HAX1: variants seen among roughly 807,000 people sequenced by gnomAD.
HAX1 encodes HCLS1 associated protein X-1, also known as HCLS1-associated protein X-1.
In HAX1, 27 loss-of-function variants were observed where a neutral mutation model predicts 31.1. The observed-to-expected ratio is 0.87, with a 90% CI of 0.64 to 1.20. The LOEUF is 1.20. Ranked by LOEUF, HAX1 falls within the 50% of genes most tolerant of loss-of-function variation. HAX1 has a pLI of 0.00. For synonymous variants in HAX1, 114 were observed against 124.1 expected (o/e 0.92, Z 0.54); for missense variants, 357 against 361.6 (o/e 0.99, Z 0.10).
Position 154,275,250 on chromosome 1 carries a change from A to T in HAX1, c.653A>T (p.Lys218Ile). The part of the protein sequence containing the change: ...FKSISVTKIT[K>I]PDGIVEERRT... ...AGCATCTCTGTGACCAAGATCACTAAACCAGATGGGGTGAGTTGAAAGAAA... is the reference window on the plus strand; with the variant it reads ...AGCATCTCTGTGACCAAGATCACTATACCAGATGGGGTGAGTTGAAAGAAA... The change falls in exon 5 of 7, where the codon AAA becomes ATA. Residue 218 changes from lysine (K) to isoleucine (I), a missense_variant. Lys to Ile is a moderately radical substitution (Grantham distance 102). Transcript: ENST00000328703. The T allele has an allele frequency of 6.2e-7, 1 of 1,610,188 alleles. No homozygotes were observed. The highest frequency in any genetic ancestry group is 8.5e-7 in the Non-Finnish European group (1 of 1,176,428).
In HAX1 at chr1:154,275,475, C is replaced by G. The variant is rs1345265160; in HGVS notation, c.746C>G (p.Pro249Arg). 1.2e-6 allele frequency: 2 copies of G among 1,613,464 alleles called. No individual in the cohort carries two copies. The highest frequency in any genetic ancestry group is 2.2e-5 in the East Asian group (1 of 44,896). The change falls in exon 6 of 7, where the codon CCT (proline) becomes CGT (arginine). Residue 249 changes from proline to arginine, a missense_variant. By Grantham distance (103) the Pro-to-Arg change is moderately radical. Transcript: ENST00000328703. ...ACCCGACACGAAGCAGATAGCAGTC[C>G]TAGGGGTGGTAAGTTAAAAGACAAA... Reference protein sequence around the residue: ...TVTRHEADSSPRGDPESPRPP... With the variant: ...TVTRHEADSSRRGDPESPRPP...
rs1684865731 is a variant in HAX1, at chr1:154,273,473, G to A, written c.191G>A (p.Gly64Asp). 4 of 1,614,150 alleles carry A rather than the reference G, an allele frequency of 2.5e-6. No individual in the cohort carries two copies. In the Admixed American group the frequency reaches 5.0e-5, roughly 20 times the overall value. ...PQHPPEEFGF[G>D]FSFSPGGGIR... ...CACCCCCCTGAGGAATTTGGCTTCGGCTTCAGCTTCAGCCCAGGAGGAGGG... is the reference window on the plus strand; with the variant it reads ...CACCCCCCTGAGGAATTTGGCTTCGACTTCAGCTTCAGCCCAGGAGGAGGG... The change falls in exon 2 of 7, where the codon GGC becomes GAC. Residue 64 changes from glycine to aspartate, a missense_variant. Coordinates refer to ENST00000328703, the MANE Select transcript of HAX1 (RefSeq NM_006118.4).
rs759963419 is a variant in HAX1, at chr1:154,275,670, T to C, written c.809T>C (p.Leu270Ser). The change falls in exon 7 of 7, where the codon TTA becomes TCA. Residue 270 changes from leucine to serine, a missense_variant. Physicochemically the swap from Leu to Ser is moderately radical, Grantham distance 145 (BLOSUM62 -2). Transcript: ENST00000328703. ...GATGATGCCTTTTCCATCCTGGACT[T>C]ATTCCTGGGACGTTGGTTCCGGTCC... The part of the protein sequence containing the change: ...ALDDAFSILD[L>S]FLGRWFRSR 6.2e-7 allele frequency: 1 copy of C among 1,613,988 alleles called. No homozygotes were observed. The highest frequency in any genetic ancestry group is 1.7e-4 in the Middle Eastern group (1 of 6,060).
intron 1 of HAX1, chr1:154,273,048 A>G: frequency 1.7e-6 from 1 of 602,132 alleles, no homozygotes; most frequent in East Asian, 2.8e-5. Flanking sequence ...ACAGTGAGCA[A>G]GTGAGCAGGA....
intron 3 of HAX1, among the ~76,000 whole-genome samples, 167 bp from the exon 4 acceptor site, chr1:154,274,783 A>C (rs533229789): frequency 6.6e-6 from 1 of 152,304 alleles, no homozygotes; most frequent in Non-Finnish European, 1.5e-5. Flanking sequence ...TTTCTGGTAG[A>C]AGGATACATA....
chr1:154,274,917 G>A lies in HAX1; in HGVS notation c.505-33G>A, dbSNP rs757298397. ...GACCTTTCAAATTTCAGATTGGAAG[G>A]AGTCTTTTCACTTACTATGGTTTCT... On this transcript the variant is annotated intron_variant, in intron 3 of 6. Transcript: ENST00000328703. The A allele has an allele frequency of 8.4e-6, 13 of 1,540,140 alleles. No individual in the cohort carries two copies. The Admixed American group carries it at 2.2e-4, about 26-fold the overall frequency.
intron 5 of HAX1, 38 bp downstream of exon 5, chr1:154,275,298 G>A: frequency 6.4e-7 from 1 of 1,551,514 alleles, no homozygotes; most frequent in Non-Finnish European, 8.9e-7. Context: ...AGTATGGCCA[G>A]GGAACGAATG....
chr1:154,275,140 C>T lies in HAX1; in HGVS notation c.557-14C>T. The stretch of plus-strand genomic sequence containing the variant: ...CTCTTTCTCTCCTGCTTCTTCATCT[C>T]TCTGCTCTTCCAGATCTTGATTCCC... On this transcript the variant is annotated splice_polypyrimidine_tract_variant and intron_variant, in intron 4 of 6. Transcript: ENST00000328703. 3 of 1,570,046 alleles carry T rather than the reference C, an allele frequency of 1.9e-6. No homozygotes were observed. The highest frequency in any genetic ancestry group is 2.6e-6 in the Non-Finnish European group (3 of 1,139,684).
chr1:154,273,601 G>A lies in HAX1; in HGVS notation c.316+3G>A. ...GACCTTGCCTTCCCATCCTCCTGGT[G>A]TGTGGCTTTCCCTAAGGGGCAACCT... On this transcript the variant is annotated splice_donor_region_variant and intron_variant, in intron 2 of 6. Coordinates refer to ENST00000328703, the MANE Select transcript of HAX1 (RefSeq NM_006118.4). 1 of 1,614,116 alleles carries A rather than the reference G, an allele frequency of 6.2e-7. No individual in the cohort carries two copies. The highest frequency in any genetic ancestry group is 1.7e-5 in the Admixed American group (1 of 60,020).
intron 2 of HAX1, 76 bp from the exon 3 acceptor site, chr1:154,273,698 A>G (rs1684871737): frequency 6.3e-7 from 1 of 1,595,304 alleles, no homozygotes; most frequent in Non-Finnish European, 8.6e-7. Flanking sequence ...AAGTGTGAGA[A>G]GACTGATGAT....
At chr1:154,274,638 G>A (rs1008654558) in intron 3 of HAX1, among the ~76,000 whole-genome samples, 6 of 152,044 alleles carry the variant, frequency 3.9e-5, no homozygotes, top group Non-Finnish European at 4.4e-5. Flanking sequence ...TTAAGCTTGT[G>A]GGATTTTCTT....
rs1014791330 is a variant in HAX1 at position 154,273,757 on chromosome 1, C to G, written c.317-17C>G. 1.9e-6 allele frequency: 3 copies of G among 1,614,058 alleles called. No homozygotes were observed. Among genetic ancestry groups the G allele is most frequent in the Non-Finnish European group, 2.5e-6 (3 of 1,179,958 alleles). The stretch of plus-strand genomic sequence containing the variant: ...AGTCCTTTCCCATCCCAGCAAACAC[C>G]TGCCACCTTTCTGCAGAACTTCCAG... On this transcript the variant is annotated splice_polypyrimidine_tract_variant and intron_variant, in intron 2 of 6. Transcript: ENST00000328703.
intron 1 of HAX1, 159 bp downstream of exon 1, chr1:154,272,935 A>C: frequency 5.6e-6 from 4 of 711,322 alleles, no homozygotes; most frequent in Non-Finnish European, 7.5e-6. Flanking sequence ...ACAGTAACCA[A>C]GGCGGTCATT....
intron 1 of HAX1, 182 bp downstream of exon 1, chr1:154,272,958 A>T: frequency 1.5e-6 from 1 of 660,522 alleles, no homozygotes; most frequent in South Asian, 1.7e-5. Flanking sequence ...GAGGAGAAAC[A>T]GCAAACTAAG....
chr1:154,273,882 G>A lies in HAX1; in HGVS notation c.425G>A (p.Gly142Glu), dbSNP rs1220274113. The change falls in exon 3 of 7, where the codon GGG (glycine) becomes GAG (glutamate). Residue 142 changes from glycine (G) to glutamate (E), a missense_variant. Coordinates refer to ENST00000328703, the MANE Select transcript of HAX1 (RefSeq NM_006118.4). Reference sequence around the variant, plus strand: ...GATAGTCACCAGCCCAGGATCTTTGGGGGGGTCTTGGAGAGTGATGCAAGA... The same window carrying A: ...GATAGTCACCAGCCCAGGATCTTTGAGGGGGTCTTGGAGAGTGATGCAAGA... ...YPDSHQPRIF[G>E]GVLESDARSE... The A allele has an allele frequency of 6.2e-7, 1 of 1,614,088 alleles. No homozygotes were observed. The highest frequency in any genetic ancestry group is 8.5e-7 in the Non-Finnish European group (1 of 1,180,002).
chr1:154,275,067 C>G (rs377267422), intron 4 of HAX1, 66 bp downstream of exon 4: 11 of 1,469,234 alleles, frequency 7.5e-6, no homozygotes, highest in Non-Finnish European at 1.0e-5. Context: ...GTGTGTTCTC[C>G]CTCCCTGAAG....
chr1:154,273,431 G>T lies in HAX1; in HGVS notation c.149G>T (p.Arg50Met). The T allele has an allele frequency of 6.2e-7, 1 of 1,614,168 alleles. No homozygotes were observed. The highest frequency in any genetic ancestry group is 1.3e-5 in the African/African-American group (1 of 75,012). ...GGCTCATGGGGCCGTGGGAACCCAA[G>T]GTTCCATAGTCCTCAGCACCCCCCT... ...EGGSWGRGNP[R>M]FHSPQHPPEE... Residue 50 changes from arginine (R) to methionine (M), a missense_variant, in exon 2 of 7, where the codon AGG becomes ATG. Transcript: ENST00000328703.
rs1287019123 is a variant in HAX1, at chr1:154,275,429, G to A, written c.700G>A (p.Gly234Ser). The A allele has an allele frequency of 1.2e-6, 2 of 1,614,008 alleles. No individual in the cohort carries two copies. Among genetic ancestry groups the A allele is most frequent in the Non-Finnish European group, 1.7e-6 (2 of 1,180,028 alleles). The change falls in exon 6 of 7, where the codon GGC becomes AGC. Residue 234 changes from glycine (G) to serine (S), a missense_variant. By Grantham distance (56) the Gly-to-Ser change is moderately conservative. Coordinates refer to ENST00000328703, the MANE Select transcript of HAX1 (RefSeq NM_006118.4). ...GCGCCGGACTGTGGTGGACAGTGAGGGCCGGACAGAGACTACAGTAACCCG... is the reference window on the plus strand; with the variant it reads ...GCGCCGGACTGTGGTGGACAGTGAGAGCCGGACAGAGACTACAGTAACCCG... The part of the protein sequence containing the change: ...EERRTVVDSE[G>S]RTETTVTRHE...
rs773885551 is a variant in HAX1 at position 154,275,732 on chromosome 1, T to C, written c.*31T>C. 9 of 1,419,376 alleles carry C rather than the reference T, an allele frequency of 6.3e-6. No individual in the cohort carries two copies. In the African/African-American group the frequency reaches 1.1e-4, roughly 18 times the overall value. The allele number at this position is 1,419,376 out of a possible 1,614,324, so 87.9% of individuals were successfully genotyped here. On this transcript the variant is annotated 3_prime_UTR_variant, in exon 7 of 7. Transcript: ENST00000328703. The stretch of plus-strand genomic sequence containing the variant: ...TTAACCCTCAGAGGCCTTCAAGTCC[T>C]TTCCACCTCTCACCCATTGCCCACC...
Sources: gnomAD v4.1 joint callset for allele counts (sites outside exome capture counted in the v4.1 genomes callset) on GRCh38, gnomAD v4.1.1 for gene constraint, MANE v1.5 for transcripts, NCBI Gene and HGNC (gene_info 2026-07-23, HGNC 2026-07-21) for gene names.